Variants in MTREX observed in about 807,000 individuals in gnomAD.
MTREX encodes exosome RNA helicase MTR4.
A neutral mutation model predicts 135.4 loss-of-function variants in MTREX; 76 were observed. The observed-to-expected ratio is 0.56, with a 90% CI of 0.47 to 0.68. The LOEUF is 0.68. MTREX is among the 30% of genes least tolerant of loss of function. MTREX has a pLI of 0.00. For missense variants in MTREX, 920 were observed against 1,262.1 expected (o/e 0.73, Z 4.11); for synonymous variants, 404 against 401.6 (o/e 1.01, Z -0.07).
At chr5:55,376,475 G>T (rs998700056) in intron 16 of MTREX, among the ~76,000 whole-genome samples, 2 of 152,234 alleles carry the variant, frequency 1.3e-5, no homozygotes, top group Non-Finnish European at 1.5e-5. Flanking sequence ...CGTTTGAATG[G>T]ATTGGTGTAA....
chr5:55,401,924 C>A (rs1262816716), intron 21 of MTREX, among the ~76,000 whole-genome samples: 1 of 152,146 alleles, frequency 6.6e-6, no homozygotes, highest in Non-Finnish European at 1.5e-5. Context: ...TTATCACATA[C>A]CACTTTTATC....
At chr5:55,347,233 C>A in intron 11 of MTREX, 89 bp downstream of exon 11, 1 of 1,297,174 alleles carries the variant, frequency 7.7e-7, no homozygotes, top group Non-Finnish European at 1.1e-6. Flanking sequence ...TTACATATTA[C>A]TAGGATATGC....
At chr5:55,377,186 G>A (rs56676097) in intron 16 of MTREX, among the ~76,000 whole-genome samples, 1 of 152,230 alleles carries the variant, frequency 6.6e-6, no homozygotes, top group African/African-American at 2.4e-5. Flanking sequence ...AATTAGCTGG[G>A]CATGGTAGCG....
intron 14 of MTREX, among the ~76,000 whole-genome samples, chr5:55,354,785 A>AT (rs1269657549): frequency 1.3e-5 from 2 of 152,154 alleles, no homozygotes; most frequent in East Asian, 3.9e-4. Flanking sequence ...TTCCTACCCA[A>AT]TAAAGGCAGC....
intron 25 of MTREX, among the ~76,000 whole-genome samples, chr5:55,417,354 A>G (rs895932239): frequency 1.3e-5 from 2 of 152,214 alleles, no homozygotes; most frequent in East Asian, 1.9e-4. Flanking sequence ...CAAGGAGACT[A>G]TGGTAAACAG....
chr5:55,366,097 A>C (rs888813641), intron 15 of MTREX, among the ~76,000 whole-genome samples: 5 of 152,210 alleles, frequency 3.3e-5, no homozygotes, highest in Non-Finnish European at 5.9e-5. Context: ...ATTATTCTAC[A>C]ATAAAATTCT....
At chr5:55,378,212 C>A in intron 16 of MTREX, 102 bp from the exon 17 acceptor site, 1 of 1,338,786 alleles carries the variant, frequency 7.5e-7, no homozygotes, top group South Asian at 1.7e-5. Flanking sequence ...ACAAAAACCG[C>A]AACTACACTT....
chr5:55,347,501 T>C (rs532901099), intron 11 of MTREX, among the ~76,000 whole-genome samples: 1 of 152,352 alleles, frequency 6.6e-6, no homozygotes, highest in South Asian at 2.1e-4. Flanking sequence ...ACCTTCTATA[T>C]AGAAAATACC....
At chr5:55,353,729 C>T (rs934887468) in intron 14 of MTREX, among the ~76,000 whole-genome samples, 13 of 152,158 alleles carry the variant, frequency 8.5e-5, no homozygotes, top group African/African-American at 3.1e-4. Flanking sequence ...TTGAACAAAC[C>T]TCCGTTCCCT....
At chr5:55,345,664 A>ATTTTT (rs553778793) in intron 10 of MTREX, among the ~76,000 whole-genome samples, 1 of 132,860 alleles carries the variant, frequency 7.5e-6, no homozygotes, top group Non-Finnish European at 1.6e-5. Flanking sequence ...GTTACTTTTA[A>ATTTTT]TTTTTTTTTT....
At chr5:55,350,849 A>T in intron 12 of MTREX, 70 bp from the exon 13 acceptor site, 1 of 1,228,746 alleles carries the variant, frequency 8.1e-7, no homozygotes, top group Non-Finnish European at 1.1e-6. Flanking sequence ...TGTTTTTCTT[A>T]ATTTAGTTTA....
chr5:55,416,753 G>A (rs1043568330), intron 25 of MTREX, among the ~76,000 whole-genome samples: 8 of 152,126 alleles, frequency 5.3e-5, no homozygotes. Context: ...GAAAAGATTG[G>A]TTTGTGTGTT....
chr5:55,315,786 AGTGGCTCATGCCT>A (rs1290656345), intron 1 of MTREX, among the ~76,000 whole-genome samples: 1 of 151,244 alleles, frequency 6.6e-6, no homozygotes, highest in Non-Finnish European at 1.5e-5. Context: ...AGCTGGGGGC[AGTGGCTCATGCCT>A]GTAGTCCCAG....
intron 16 of MTREX, among the ~76,000 whole-genome samples, chr5:55,377,261 A>C (rs2112097809): frequency 6.6e-6 from 1 of 152,238 alleles, no homozygotes; most frequent in East Asian, 1.9e-4. Flanking sequence ...CGGGAGGCAG[A>C]TCTTGCAGTG....
chr5:55,371,200 A>G (rs1322626438), intron 16 of MTREX, among the ~76,000 whole-genome samples: 3 of 152,204 alleles, frequency 2.0e-5, no homozygotes, highest in Non-Finnish European at 4.4e-5. Context: ...TATCCAGTAC[A>G]TTCAAGTTCT....
chr5:55,344,387 G>T (rs1211206333), intron 8 of MTREX, 135 bp from the exon 9 acceptor site: 1 of 617,164 alleles, frequency 1.6e-6, no homozygotes, highest in Admixed American at 3.3e-5. Context: ...GGGTTTTAGT[G>T]AATTTTTTGA....
Position 55,378,306 on chromosome 5 carries a change from A to G in MTREX, c.1811-8A>G, listed in dbSNP as rs760633462. 4 of 1,581,824 alleles carry G rather than the reference A, an allele frequency of 2.5e-6. No homozygotes were observed. Among genetic ancestry groups the G allele is most frequent in the Non-Finnish European group, 3.4e-6 (4 of 1,170,092 alleles). The stretch of plus-strand genomic sequence containing the variant: ...CCTTTTAATTTTGTACATGTGTTCT[A>G]TTTACAGAGGTAAAGAATTCAGAAG... On this transcript the variant is annotated splice_region_variant and splice_polypyrimidine_tract_variant and intron_variant, in intron 16 of 26. Coordinates refer to ENST00000230640, the MANE Select transcript of MTREX (RefSeq NM_015360.5).
At chr5:55,372,892 A>ATGTGTGTGTGTGTG (rs59026723) in intron 16 of MTREX, among the ~76,000 whole-genome samples, 12 of 120,912 alleles carry the variant, frequency 9.9e-5, no homozygotes, top group East Asian at 7.6e-4. Context: ...TAAAACTGTA[A>ATGTGTGTGTGTGTG]TGTGTGTGTG....
intron 12 of MTREX, among the ~76,000 whole-genome samples, chr5:55,350,592 TTTTAAG>T (rs1477428517): frequency 1.3e-5 from 2 of 152,226 alleles, no homozygotes; most frequent in African/African-American, 4.8e-5. Flanking sequence ...TGCCAGTATC[TTTTAAG>T]TTTATTTTCT....
Sources: gnomAD v4.1 joint callset for allele counts (sites outside exome capture counted in the v4.1 genomes callset) on GRCh38, gnomAD v4.1.1 for gene constraint, MANE v1.5 for transcripts, NCBI Gene and HGNC (gene_info 2026-07-23, HGNC 2026-07-21) for gene names.